ARSF: variants seen among roughly 807,000 people sequenced by gnomAD.
The protein encoded by ARSF is arylsulfatase F.
ARSF carries 33 observed loss-of-function variants against 35.4 expected under a neutral mutation model. The observed-to-expected ratio is 0.93, with a 90% CI of 0.71 to 1.25. The LOEUF is 1.25. Among genes scored for constraint, ARSF ranks in the 50% most tolerant of loss-of-function variants. The pLI is 0.00. For synonymous variants in ARSF, 222 were observed against 193.1 expected, an observed-to-expected ratio of 1.15 and a Z score of -1.24; for missense variants, 501 against 480.2, an observed-to-expected ratio of 1.04 and a Z score of -0.40.
intron 6 of ARSF, among the ~76,000 whole-genome samples, chrX:3,086,575 G>A (rs187518328): frequency 3.5e-4 from 39 of 111,948 alleles, no homozygotes; most frequent in African/African-American, 1.2e-3. Context: ...CCAGCACTTT[G>A]GGAGGCTGAG....
At chrX:3,111,967 T>C (rs778777934) in intron 10 of ARSF, among the ~76,000 whole-genome samples, 1 of 111,034 alleles carries the variant, frequency 9.0e-6, no homozygotes, top group Admixed American at 9.7e-5. Context: ...ATGCCAACGA[T>C]AGGGAATGGC....
intron 5 of ARSF, among the ~76,000 whole-genome samples, chrX:3,081,258 G>C (rs891728835): frequency 1.8e-5 from 2 of 111,732 alleles, no homozygotes; most frequent in Admixed American, 9.5e-5. Flanking sequence ...AAATTAGCTA[G>C]GCATTGTGGC....
At chrX:3,061,572 C>T (rs1457125686) in intron 1 of ARSF, among the ~76,000 whole-genome samples, 1 of 110,930 alleles carries the variant, frequency 9.0e-6, no homozygotes, top group Admixed American at 9.7e-5. Flanking sequence ...TGTGCAGAGA[C>T]ACATGTAGGC....
intron 4 of ARSF, among the ~76,000 whole-genome samples, chrX:3,080,593 G>A (rs768873584): frequency 2.7e-5 from 3 of 111,681 alleles, no homozygotes; most frequent in East Asian, 5.6e-4. Context: ...GGAAGTCCAA[G>A]ATCAAGGCAT....
chrX:3,040,512 A>G (rs1423378176), upstream of ARSF, among the ~76,000 whole-genome samples: 2 of 111,207 alleles, frequency 1.8e-5, no homozygotes, highest in East Asian at 5.7e-4. Flanking sequence ...TTTCCCCCCA[A>G]ATTAATGTCG....
chrX:3,092,398 C>G (rs1300926312), intron 7 of ARSF, among the ~76,000 whole-genome samples: 2 of 111,713 alleles, frequency 1.8e-5, no homozygotes, highest in Non-Finnish European at 3.8e-5. Context: ...AAGTAAAAGA[C>G]ATTACTATTT....
At chrX:3,098,793 G>A (rs1336110570) in intron 7 of ARSF, among the ~76,000 whole-genome samples, 1 of 111,070 alleles carries the variant, frequency 9.0e-6, no homozygotes, top group African/African-American at 3.3e-5. Flanking sequence ...AATGGGGCAG[G>A]AAATTGGTGG....
At position 3,076,647 on chromosome X, in the gene ARSF, G is replaced by C. The variant is rs771521843; in HGVS notation, c.261G>C (p.Thr87=). The change falls in exon 4 of 11, where the codon ACG becomes ACC. Residue 87 remains threonine (T), a synonymous_variant. Transcript: ENST00000381127. Reference sequence around the variant, plus strand: ...GCCCAAGCCGGTCCGCGTTCTTGACGGGAAGATACCCCATCCGATCAGGTG... The same window carrying C: ...GCCCAAGCCGGTCCGCGTTCTTGACCGGAAGATACCCCATCCGATCAGGTG... ...LCSPSRSAFL[T]GRYPIRSGMV... is the part of the protein sequence containing the mutation. 4.1e-6 allele frequency: 5 copies of C among 1,211,620 alleles called. No individual in the cohort carries two copies. The highest frequency in any genetic ancestry group is 3.0e-5 in the East Asian group (1 of 33,847).
At chrX:3,081,544 C>G (rs2147510714) in intron 5 of ARSF, among the ~76,000 whole-genome samples, 1 of 110,910 alleles carries the variant, frequency 9.0e-6, no homozygotes, top group South Asian at 3.9e-4. Context: ...ATCATGTTGG[C>G]CAGGCTGGTC....
At chrX:3,105,088 G>A (rs1483730812) in intron 9 of ARSF, among the ~76,000 whole-genome samples, 2 of 111,897 alleles carry the variant, frequency 1.8e-5, no homozygotes, top group Non-Finnish European at 3.8e-5. Context: ...GGTTAGAACC[G>A]CAGCTATGTC....
chrX:3,108,588 T>C (rs756846971), intron 9 of ARSF, among the ~76,000 whole-genome samples: 3 of 112,501 alleles, frequency 2.7e-5, no homozygotes, highest in South Asian at 3.7e-4. Flanking sequence ...ATTGCAAATA[T>C]ATAGACATTT....
chrX:3,077,759 C>T (rs1381509142), intron 4 of ARSF, among the ~76,000 whole-genome samples: 1 of 104,884 alleles, frequency 9.5e-6, no homozygotes, highest in Admixed American at 1.1e-4. Context: ...AGTATTATCC[C>T]CTTGCTCAAT....
At chrX:3,079,448 G>T (rs940664931) in intron 4 of ARSF, among the ~76,000 whole-genome samples, 1 of 105,511 alleles carries the variant, frequency 9.5e-6, no homozygotes, top group Non-Finnish European at 1.9e-5. Context: ...GGGTTCAAGC[G>T]ATTCTCCTGC....
chrX:3,062,028 C>A (rs1467043554), intron 1 of ARSF, among the ~76,000 whole-genome samples: 1 of 111,631 alleles, frequency 9.0e-6, no homozygotes, highest in Non-Finnish European at 1.9e-5. Flanking sequence ...CACACTTATT[C>A]AAAAATTGAC....
At chrX:3,093,837 C>T in intron 7 of ARSF, among the ~76,000 whole-genome samples, 1 of 111,807 alleles carries the variant, frequency 8.9e-6, no homozygotes, top group Non-Finnish European at 1.9e-5. Flanking sequence ...GTGGCTGAGC[C>T]AATTTATATT....
chrX:3,061,059 C>T (rs761781828), intron 1 of ARSF, among the ~76,000 whole-genome samples: 6 of 111,604 alleles, frequency 5.4e-5, no homozygotes, highest in Admixed American at 4.8e-4. Flanking sequence ...AGAGAAAGGT[C>T]GGGTTACCCA....
chrX:3,077,119 T>C (rs924666686), intron 4 of ARSF, among the ~76,000 whole-genome samples: 15 of 111,914 alleles, frequency 1.3e-4, no homozygotes, highest in African/African-American at 4.2e-4. Context: ...CAGCTAGCAC[T>C]GGTCACATCA....
At chrX:3,104,037 C>A in intron 9 of ARSF, 113 bp downstream of exon 9, 1 of 810,417 alleles carries the variant, frequency 1.2e-6, no homozygotes, top group Non-Finnish European at 1.8e-6. Flanking sequence ...TCCCTAGTAT[C>A]TACACAGTTT....
intron 7 of ARSF, 112 bp from the exon 8 acceptor site, chrX:3,100,975 C>T: frequency 1.5e-6 from 1 of 675,461 alleles, no homozygotes. Context: ...TGGCTTTTGA[C>T]ATAGGGTCAC....
Sources: allele counts gnomAD v4.1 joint callset (sites outside exome capture counted in the v4.1 genomes callset), GRCh38; gene constraint gnomAD v4.1.1; transcripts MANE v1.5; gene names NCBI Gene and HGNC (gene_info 2026-07-23, HGNC 2026-07-21).